Variants in EPB41L5 observed in about 807,000 individuals in gnomAD.
EPB41L5 encodes the protein band 4.1-like protein 5.
Under a neutral mutation model 106.6 loss-of-function variants are expected in EPB41L5, and 55 were observed. The ratio of observed to expected loss-of-function variants is 0.52; its 90% confidence interval spans 0.42 to 0.65. The LOEUF is 0.65. Ranked by LOEUF, EPB41L5 falls within the 30% of genes least tolerant of loss-of-function variation. The pLI, the probability that EPB41L5 is intolerant of heterozygous loss-of-function variation, is 0.00. For missense variants in EPB41L5, 871 were observed against 882.1 expected, an observed-to-expected ratio of 0.99 and a Z score of 0.16; for synonymous variants, 297 against 306.7, an observed-to-expected ratio of 0.97 and a Z score of 0.33.
At chr2:120,065,762 C>T (rs528005790) in intron 3 of EPB41L5, among the ~76,000 whole-genome samples, 7 of 152,148 alleles carry the variant, frequency 4.6e-5, no homozygotes, top group African/African-American at 1.2e-4. Context: ...GGTGATTGCC[C>T]GCTTTGGCCT....
chr2:120,046,358 G>A (rs1379096964), intron 3 of EPB41L5, among the ~76,000 whole-genome samples: 2 of 152,180 alleles, frequency 1.3e-5, no homozygotes, highest in Non-Finnish European at 2.9e-5. Flanking sequence ...TCTAACTGGT[G>A]TGAGATGGTA....
At chr2:120,052,830 G>A (rs1177974609) in intron 3 of EPB41L5, among the ~76,000 whole-genome samples, 3 of 152,094 alleles carry the variant, frequency 2.0e-5, no homozygotes, top group Non-Finnish European at 2.9e-5. Flanking sequence ...TCTCTCTCTC[G>A]AATACCATGA....
chr2:120,079,584 A>G (rs1055857844), intron 10 of EPB41L5, among the ~76,000 whole-genome samples: 1 of 152,182 alleles, frequency 6.6e-6, no homozygotes, highest in Non-Finnish European at 1.5e-5. Flanking sequence ...ACCCTTTCCA[A>G]ACACTGCTCG....
intron 3 of EPB41L5, among the ~76,000 whole-genome samples, chr2:120,069,128 C>CAAAAAAAAAAAAAAAA (rs539813602): frequency 5.0e-5 from 4 of 79,556 alleles, no homozygotes; most frequent in East Asian, 3.7e-4. Context: ...AACTCTGTCT[C>CAAAAAAAAAAAAAAAA]AAAAAAAAAA....
chr2:120,115,428 G>T (rs1438217394), intron 16 of EPB41L5, among the ~76,000 whole-genome samples: 1 of 151,942 alleles, frequency 6.6e-6, no homozygotes, highest in Admixed American at 6.5e-5. Context: ...TTTTTGAGAC[G>T]GAGTCTCACT....
At chr2:120,159,946 G>T (rs1184175901) in intron 20 of EPB41L5, among the ~76,000 whole-genome samples, 3 of 152,192 alleles carry the variant, frequency 2.0e-5, no homozygotes, top group Non-Finnish European at 2.9e-5. Context: ...TGGAGCTGGA[G>T]GCCATTATCC....
intron 11 of EPB41L5, among the ~76,000 whole-genome samples, chr2:120,089,141 C>A (rs1209420276): frequency 6.6e-6 from 1 of 151,998 alleles, no homozygotes; most frequent in Admixed American, 6.6e-5. Context: ...ATTAGCGTAT[C>A]CATCTTTACT....
At chr2:120,110,598 A>G (rs1387855396) in intron 16 of EPB41L5, among the ~76,000 whole-genome samples, 2 of 151,094 alleles carry the variant, frequency 1.3e-5, no homozygotes, top group Non-Finnish European at 2.9e-5. Flanking sequence ...CAGGGATAGT[A>G]CAGAAATTCC....
intron 16 of EPB41L5, among the ~76,000 whole-genome samples, chr2:120,111,391 G>T (rs1384649670): frequency 1.3e-5 from 2 of 151,950 alleles, no homozygotes; most frequent in African/African-American, 2.4e-5. Flanking sequence ...TCTCTTTTTC[G>T]TGTTGCTAAG....
chr2:120,110,581 A>G (rs1684677823), intron 16 of EPB41L5, among the ~76,000 whole-genome samples: 1 of 151,834 alleles, frequency 6.6e-6, no homozygotes, highest in Admixed American at 6.6e-5. Context: ...AGCTTACAGA[A>G]CAGTTTCAGG....
At chr2:120,151,601 C>T (rs934012102) in intron 20 of EPB41L5, among the ~76,000 whole-genome samples, 3 of 147,762 alleles carry the variant, frequency 2.0e-5, no homozygotes, top group Non-Finnish European at 4.5e-5. Flanking sequence ...GGAGCCACTG[C>T]GTCTGGCCCT....
At chr2:120,159,879 T>C (rs527396504) in intron 20 of EPB41L5, among the ~76,000 whole-genome samples, 4 of 152,304 alleles carry the variant, frequency 2.6e-5, no homozygotes, top group African/African-American at 9.6e-5. Context: ...TGAAATACTG[T>C]GCAGCCATAA....
chr2:120,076,341 A>C (rs892727059), intron 7 of EPB41L5, among the ~76,000 whole-genome samples: 4 of 151,070 alleles, frequency 2.6e-5, no homozygotes, highest in African/African-American at 9.7e-5. Flanking sequence ...ACAGGGTCTC[A>C]CTCTTGTCCC....
intron 1 of EPB41L5, among the ~76,000 whole-genome samples, chr2:120,017,079 G>T (rs978318748): frequency 2.6e-5 from 4 of 152,176 alleles, no homozygotes; most frequent in Non-Finnish European, 5.9e-5. Flanking sequence ...ATTTTATCGG[G>T]TTTATAAATA....
At chr2:120,091,701 GC>G in intron 13 of EPB41L5, 40 bp downstream of exon 13, 1 of 1,498,108 alleles carries the variant, frequency 6.7e-7, no homozygotes, top group Non-Finnish European at 9.2e-7. Flanking sequence ...TTTTTCCTTG[GC>G]AATTAATTAT....
chr2:120,164,982 T>G, intron 22 of EPB41L5, 72 bp downstream of exon 22: 1 of 1,162,368 alleles, frequency 8.6e-7, no homozygotes, highest in Non-Finnish European at 1.2e-6. Context: ...AGATTCCAGT[T>G]TTTTCCTTTT....
At chr2:120,169,853 A>G (rs958658059) in intron 24 of EPB41L5, among the ~76,000 whole-genome samples, 27 of 152,232 alleles carry the variant, frequency 1.8e-4, no homozygotes, top group African/African-American at 6.5e-4. Context: ...TCAAACTACC[A>G]TGTCACAGTG....
chr2:120,034,479 G>A (rs911792326), intron 2 of EPB41L5, among the ~76,000 whole-genome samples: 16 of 152,294 alleles, frequency 1.1e-4, no homozygotes, highest in African/African-American at 3.8e-4. Context: ...GAAGACTTGT[G>A]TGGCTTTCTG....
Position 120,105,903 on chromosome 2 carries a change from A to G in EPB41L5, c.1337+5089A>G, listed in dbSNP as rs78108601. On this transcript the variant is annotated intron_variant, in intron 16 of 24. Coordinates refer to ENST00000263713, the MANE Select transcript of EPB41L5 (RefSeq NM_020909.4). ...CCATTCAAGAAAAGGTTTCATGGGT[A>G]TGTATATCATTAAAAAAAGTACTGT... The G allele has an allele frequency of 1.4e-3, 1,370 of 985,036 alleles. 5 individuals are homozygous for G. The highest frequency in any genetic ancestry group is 2.2e-3 in the Admixed American group (36 of 16,278). 61.0% of individuals were successfully genotyped at this position (985,036 alleles called of 1,614,324 possible). A position where few individuals can be genotyped will look rare whatever the true frequency, so the allele number is the denominator to read the frequency against.
Sources: gnomAD v4.1 joint callset for allele counts (sites outside exome capture counted in the v4.1 genomes callset) on GRCh38, gnomAD v4.1.1 for gene constraint, MANE v1.5 for transcripts, NCBI Gene and HGNC (gene_info 2026-07-23, HGNC 2026-07-21) for gene names.